Variants in PHACTR4 observed in about 807,000 individuals in gnomAD.
PHACTR4 encodes the protein phosphatase and actin regulator 4.
PHACTR4 carries 51 observed loss-of-function variants against 72.7 expected under a neutral mutation model. The observed-to-expected ratio is 0.70, with a 90% confidence interval of 0.56 to 0.89. The LOEUF is 0.89. Ranked by LOEUF, PHACTR4 falls within the 40% of genes least tolerant of loss-of-function variation. The pLI is 0.00. For missense variants in PHACTR4, 731 were observed against 861.8 expected (o/e 0.85, Z 1.90); for synonymous variants, 255 against 302.5 (o/e 0.84, Z 1.63).
chr1:28,437,446 T>C (rs1656704147), intron 2 of PHACTR4, among the ~76,000 whole-genome samples: 1 of 152,132 alleles, frequency 6.6e-6, no homozygotes, highest in African/African-American at 2.4e-5. Context: ...CCCACGCTGA[T>C]CTCGAGCTCT....
At chr1:28,384,634 C>T (rs896754652) in intron 1 of PHACTR4, among the ~76,000 whole-genome samples, 3 of 152,138 alleles carry the variant, frequency 2.0e-5, no homozygotes, top group Non-Finnish European at 2.9e-5. Flanking sequence ...AGGGCTCATG[C>T]TTGTAATCCC....
At chr1:28,396,681 G>A (rs1356955596) in intron 1 of PHACTR4, among the ~76,000 whole-genome samples, 4 of 146,276 alleles carry the variant, frequency 2.7e-5, no homozygotes, top group African/African-American at 7.6e-5. Flanking sequence ...TTTTTGAGAC[G>A]GTGTTTTGTT....
chr1:28,451,009 A>G (rs1186247851), intron 2 of PHACTR4, among the ~76,000 whole-genome samples: 1 of 67,916 alleles, frequency 1.5e-5, no homozygotes, highest in African/African-American at 8.4e-5. Flanking sequence ...TTTTAGTAGA[A>G]ACAGGGTTTC....
chr1:28,473,300 G>GC (rs1659699463), intron 6 of PHACTR4, among the ~76,000 whole-genome samples: 1 of 146,378 alleles, frequency 6.8e-6, no homozygotes, highest in African/African-American at 2.5e-5. Flanking sequence ...AAAAAAAATT[G>GC]TCATATCTGT....
intron 4 of PHACTR4, among the ~76,000 whole-genome samples, chr1:28,462,958 G>A (rs1457358199): frequency 2.0e-5 from 3 of 152,152 alleles, no homozygotes; most frequent in African/African-American, 7.2e-5. Context: ...CAGCACTTTG[G>A]GAGGCCAGTG....
At chr1:28,442,576 G>A (rs1285541184) in intron 2 of PHACTR4, among the ~76,000 whole-genome samples, 4 of 151,630 alleles carry the variant, frequency 2.6e-5, no homozygotes, top group Admixed American at 6.6e-5. Flanking sequence ...GCGTGATTTC[G>A]ACTCACTGCA....
intron 9 of PHACTR4, among the ~76,000 whole-genome samples, chr1:28,487,081 A>G (rs1570106875): frequency 1.3e-5 from 2 of 152,058 alleles, no homozygotes; most frequent in East Asian, 3.9e-4. Flanking sequence ...AAAAAATAAA[A>G]TGGGGCGGGG....
intron 6 of PHACTR4, among the ~76,000 whole-genome samples, chr1:28,472,357 A>G (rs1440625940): frequency 6.6e-6 from 1 of 152,150 alleles, no homozygotes; most frequent in African/African-American, 2.4e-5. Context: ...AATGGTAAAG[A>G]TGCTATATTT....
In PHACTR4 at chr1:28,491,029, G is replaced by T; in HGVS notation, c.1878+17G>T. The stretch of plus-strand genomic sequence containing the variant: ...ACTAGAAAGGTACTACTGCCTGTGT[G>T]TTCAGTTAACTATATGTGTTATATT... On this transcript the variant is annotated intron_variant, in intron 11 of 13. Transcript: ENST00000373839. 6.2e-7 allele frequency: 1 copy of T among 1,607,108 alleles called. No homozygotes were observed.
chr1:28,480,754 T>A, intron 9 of PHACTR4, 150 bp downstream of exon 9: 1 of 1,026,106 alleles, frequency 9.7e-7, no homozygotes, highest in Non-Finnish European at 1.4e-6. Flanking sequence ...AGTGGCGCGA[T>A]CTCGGCTCAC....
intron 2 of PHACTR4, among the ~76,000 whole-genome samples, chr1:28,442,497 TTGTG>T (rs1355174569): frequency 1.3e-5 from 2 of 151,958 alleles, no homozygotes; most frequent in East Asian, 1.9e-4. Flanking sequence ...GTTTGTTTGT[TTGTG>T]TATTTATTTA....
Position 28,496,839 on chromosome 1 carries a change from G to T in PHACTR4, c.*290G>T. ...AGTTCTGAACCACTTGCAGGTTCCAGGTTTTACTGGCTGCACCACACCCCT... is the reference window on the plus strand; with the variant it reads ...AGTTCTGAACCACTTGCAGGTTCCATGTTTTACTGGCTGCACCACACCCCT... On this transcript the variant is annotated 3_prime_UTR_variant, in exon 14 of 14. Transcript: ENST00000373839. The T allele has an allele frequency of 2.0e-6, 1 of 506,352 alleles. No individual in the cohort carries two copies. The highest frequency in any genetic ancestry group is 3.6e-6 in the Non-Finnish European group (1 of 280,256). The allele number at this position is 506,352 out of a possible 1,614,324, so 31.4% of individuals were successfully genotyped here.
intron 8 of PHACTR4, among the ~76,000 whole-genome samples, chr1:28,477,222 ATTACAG>A (rs1375852163): frequency 5.9e-5 from 9 of 151,642 alleles, no homozygotes; most frequent in African/African-American, 2.2e-4. Context: ...AGTAGCTGGG[ATTACAG>A]GCGTCTGCCA....
chr1:28,470,257 G>T (rs1182642032), intron 6 of PHACTR4, among the ~76,000 whole-genome samples: 1 of 151,976 alleles, frequency 6.6e-6, no homozygotes, highest in Non-Finnish European at 1.5e-5. Context: ...GCTGGGCATG[G>T]TGACATGTGC....
In PHACTR4 at chr1:28,473,598, C is replaced by G. The variant is rs145957277; in HGVS notation, c.868C>G (p.Pro290Ala). 2.8e-5 allele frequency: 45 copies of G among 1,613,740 alleles called. No homozygotes were observed. The African/African-American group carries it at 5.2e-4, about 19-fold the overall frequency. ...AINSGTLLSK[P>A]SPPLPPKRGI... ...AAACAGTGGTACATTGTTATCAAAA[C>G]CGTCCCCACCCTTACCACCTAAGAG... Residue 290 changes from proline to alanine, a missense_variant, in exon 7 of 14, where the codon CCG becomes GCG. Coordinates refer to ENST00000373839, the MANE Select transcript of PHACTR4 (RefSeq NM_001048183.3).
At chr1:28,434,246 C>G (rs931965998) in intron 2 of PHACTR4, among the ~76,000 whole-genome samples, 4 of 152,074 alleles carry the variant, frequency 2.6e-5, no homozygotes, top group African/African-American at 7.2e-5. Context: ...AGGCATTTAA[C>G]CTCTTTGAAC....
chr1:28,384,765 A>G (rs1381658223), intron 1 of PHACTR4, among the ~76,000 whole-genome samples: 2 of 151,974 alleles, frequency 1.3e-5, no homozygotes, highest in Admixed American at 6.6e-5. Flanking sequence ...GGTGGTGCAC[A>G]CCTGTAATCC....
chr1:28,405,586 C>G (rs1654264568), intron 1 of PHACTR4, among the ~76,000 whole-genome samples: 1 of 151,988 alleles, frequency 6.6e-6, no homozygotes, highest in African/African-American at 2.4e-5. Context: ...CTCGACCTCC[C>G]AAAGTGCTGG....
At chr1:28,435,134 C>T (rs1214785316) in intron 2 of PHACTR4, among the ~76,000 whole-genome samples, 1 of 152,204 alleles carries the variant, frequency 6.6e-6, no homozygotes, top group Non-Finnish European at 1.5e-5. Flanking sequence ...AACTTGCTCC[C>T]TGGAGTCATA....
Sources: gnomAD v4.1 joint callset for allele counts (sites outside exome capture counted in the v4.1 genomes callset) on GRCh38, gnomAD v4.1.1 for gene constraint, MANE v1.5 for transcripts, NCBI Gene and HGNC (gene_info 2026-07-23, HGNC 2026-07-21) for gene names.